The following SERGEF variants were observed in gnomAD, a reference collection of about 807,000 sequenced individuals.
SERGEF encodes secretion-regulating guanine nucleotide exchange factor.
Under a neutral mutation model 50.0 loss-of-function variants are expected in SERGEF, and 51 were observed. That is an observed-to-expected ratio of 1.02 (90% confidence interval 0.81 to 1.29). The LOEUF is 1.29. Among genes scored for constraint, SERGEF ranks in the 50% most tolerant of loss-of-function variants. SERGEF has a pLI of 0.00. For synonymous variants in SERGEF, 205 were observed against 212.4 expected (o/e 0.97, Z 0.30); for missense variants, 521 against 557.0 (o/e 0.94, Z 0.65).
At chr11:17,882,287 C>T (rs532296446) in intron 9 of SERGEF, among the ~76,000 whole-genome samples, 9 of 151,998 alleles carry the variant, frequency 5.9e-5, no homozygotes, top group East Asian at 3.9e-4. Context: ...GGCGTGGTGG[C>T]GGGTGCCTAT....
chr11:17,907,475 A>C (rs1324075003), intron 9 of SERGEF, among the ~76,000 whole-genome samples: 2 of 152,226 alleles, frequency 1.3e-5, no homozygotes, highest in Non-Finnish European at 2.9e-5. Flanking sequence ...TTCTCTTCTC[A>C]CAATGAGAAT....
At chr11:17,800,550 A>G (rs1407188613) in intron 10 of SERGEF, among the ~76,000 whole-genome samples, 1 of 152,238 alleles carries the variant, frequency 6.6e-6, no homozygotes, top group Non-Finnish European at 1.5e-5. Context: ...ATATAGCACC[A>G]AACAACACAC....
intron 9 of SERGEF, among the ~76,000 whole-genome samples, chr11:17,938,170 T>C (rs1173982567): frequency 6.6e-6 from 1 of 152,170 alleles, no homozygotes; most frequent in Non-Finnish European, 1.5e-5. Flanking sequence ...CCTAAAGTGG[T>C]CCAAAGGCTT....
At chr11:17,980,768 T>C (rs1290189982) in intron 8 of SERGEF, among the ~76,000 whole-genome samples, 1 of 152,248 alleles carries the variant, frequency 6.6e-6, no homozygotes, top group Non-Finnish European at 1.5e-5. Flanking sequence ...ATTTTATTTG[T>C]TTCCATACCT....
chr11:17,935,765 A>G (rs1269364044), intron 9 of SERGEF, among the ~76,000 whole-genome samples: 1 of 152,228 alleles, frequency 6.6e-6, no homozygotes, highest in East Asian at 1.9e-4. Flanking sequence ...TGAGACATCA[A>G]GAAACAACCA....
chr11:17,915,573 C>A (rs1200218547), intron 9 of SERGEF, among the ~76,000 whole-genome samples: 1 of 152,102 alleles, frequency 6.6e-6, no homozygotes, highest in Non-Finnish European at 1.5e-5. Flanking sequence ...ACTCAGCTGA[C>A]CCAAAAAACA....
chr11:17,998,588 G>A (rs1170871335), intron 5 of SERGEF, among the ~76,000 whole-genome samples: 1 of 149,338 alleles, frequency 6.7e-6, no homozygotes, highest in Non-Finnish European at 1.5e-5. Flanking sequence ...GGGAAGAACT[G>A]TATCCCCCTA....
At chr11:17,927,520 G>A (rs1010155285) in intron 9 of SERGEF, among the ~76,000 whole-genome samples, 17 of 152,326 alleles carry the variant, frequency 1.1e-4, no homozygotes, top group Admixed American at 9.2e-4. Context: ...GAAGGAAAAT[G>A]ATGACCTGAG....
intron 10 of SERGEF, among the ~76,000 whole-genome samples, chr11:17,837,108 C>G (rs1002360254): frequency 6.6e-6 from 1 of 152,134 alleles, no homozygotes; most frequent in African/African-American, 2.4e-5. Flanking sequence ...GGTCTATTAC[C>G]TCTGACGTCC....
chr11:17,957,893 AT>A, intron 9 of SERGEF, among the ~76,000 whole-genome samples: 1 of 152,348 alleles, frequency 6.6e-6, no homozygotes, highest in South Asian at 2.1e-4. Context: ...CTGTGATAAA[AT>A]AAAGATTGAA....
At chr11:17,968,807 A>G (rs1298549873) in intron 8 of SERGEF, among the ~76,000 whole-genome samples, 2 of 152,314 alleles carry the variant, frequency 1.3e-5, no homozygotes, top group South Asian at 2.1e-4. Flanking sequence ...ACCTATGGCA[A>G]ATGACGTTAA....
intron 10 of SERGEF, among the ~76,000 whole-genome samples, chr11:17,854,404 T>C (rs1363477572): frequency 6.6e-6 from 1 of 152,120 alleles, no homozygotes; most frequent in East Asian, 1.9e-4. Context: ...TTCTTTCCTC[T>C]CTCCAGGCAT....
chr11:17,815,848 G>A (rs575180879), intron 10 of SERGEF, among the ~76,000 whole-genome samples: 1 of 152,240 alleles, frequency 6.6e-6, no homozygotes, highest in Admixed American at 6.5e-5. Context: ...CTTGAACCCA[G>A]GAGGCAGAGG....
intron 9 of SERGEF, among the ~76,000 whole-genome samples, chr11:17,956,865 A>G (rs989391027): frequency 6.6e-6 from 1 of 152,156 alleles, no homozygotes; most frequent in African/African-American, 2.4e-5. Flanking sequence ...GCCCATGACC[A>G]AGGTAGCACC....
intron 10 of SERGEF, among the ~76,000 whole-genome samples, chr11:17,866,049 G>A (rs533720268): frequency 1.3e-5 from 2 of 152,366 alleles, no homozygotes; most frequent in South Asian, 2.1e-4. Context: ...ACCTGGGACA[G>A]AGCACTGGTA....
chr11:17,976,084 GC>G (rs1853367428), intron 8 of SERGEF, among the ~76,000 whole-genome samples: 1 of 152,088 alleles, frequency 6.6e-6, no homozygotes, highest in South Asian at 2.1e-4. Context: ...CCAATGACTT[GC>G]CCAAGATCAC....
At chr11:17,880,846 T>C (rs1366028874) in intron 9 of SERGEF, among the ~76,000 whole-genome samples, 3 of 152,236 alleles carry the variant, frequency 2.0e-5, no homozygotes, top group Non-Finnish European at 2.9e-5. Context: ...ATATTTTTTC[T>C]ACTATTCTCT....
At chr11:17,910,134 G>A (rs1851921448) in intron 9 of SERGEF, among the ~76,000 whole-genome samples, 1 of 151,910 alleles carries the variant, frequency 6.6e-6, no homozygotes, top group Non-Finnish European at 1.5e-5. Context: ...CAAAAGAGGT[G>A]AATTCAGAGG....
At chr11:17,985,526 T>C (rs2133993590) in intron 8 of SERGEF, among the ~76,000 whole-genome samples, 1 of 152,294 alleles carries the variant, frequency 6.6e-6, no homozygotes. Context: ...AGGAGTCCCA[T>C]GAAGTTCCTG....
Sources: gnomAD v4.1 joint callset for allele counts (sites outside exome capture counted in the v4.1 genomes callset) on GRCh38, gnomAD v4.1.1 for gene constraint, MANE v1.5 for transcripts, NCBI Gene and HGNC (gene_info 2026-07-23, HGNC 2026-07-21) for gene names.